DCHS1: variants seen among roughly 807,000 people sequenced by gnomAD.
DCHS1 encodes the protein protocadherin-16.
In DCHS1, 78 loss-of-function variants were observed where a neutral mutation model predicts 213.9. The observed-to-expected ratio is 0.36, with a 90% CI of 0.30 to 0.44. The LOEUF (loss-of-function observed/expected upper bound fraction) is 0.44, where lower values mean the gene tolerates loss of function less well. Among genes scored for constraint, DCHS1 ranks in the 20% least tolerant of loss-of-function variants. DCHS1 has a pLI of 1.00. For synonymous variants in DCHS1, 1,828 were observed against 1,873.7 expected (o/e 0.98, Z 0.63); for missense variants, 3,946 against 4,395.9 (o/e 0.90, Z 2.89).
rs780909180 is a variant in DCHS1, at chr11:6,628,743, G to A, written c.5249C>T (p.Thr1750Ile). Residue 1750 changes from threonine (T) to isoleucine (I), a missense_variant, in exon 13 of 21, where the codon ACC becomes ATC. This residue lies in a region of DCHS1 where 3,384 missense variants were observed against 3,780.1 expected (regional missense o/e 0.90). Transcript: ENST00000299441. The surrounding 1 kb of genome is among the most constrained non-coding windows in gnomAD (Gnocchi z 4.3). ...CAGAGAGAGATGGGCACTCCCAAAG[G>A]TTGGTGCATGGTCATTCTCATCCTC... is the stretch of plus-strand genomic sequence containing the variant. The part of the protein sequence containing the change: ...AVEDENDHAP[T>I]FGSAHLSLEV... 3.7e-6 allele frequency: 6 copies of A among 1,613,906 alleles called. No homozygotes were observed. The African/African-American group carries it at 8.0e-5, about 22-fold the overall frequency.
In DCHS1 at chr11:6,627,367, G is replaced by A. The variant is rs1373906958; in HGVS notation, c.5672C>T (p.Thr1891Ile). 1.9e-6 allele frequency: 3 copies of A among 1,607,834 alleles called. No individual in the cohort carries two copies. Among genetic ancestry groups the A allele is most frequent in the Non-Finnish European group, 1.7e-6 (2 of 1,177,232 alleles). Reference protein sequence around the residue: ...DPDAGANGHVTYYLGAGTAGA... With the variant: ...DPDAGANGHVIYYLGAGTAGA... ...TGCTGTACCGGCGCCCAGGTAGTAG[G>A]TCACATGGCCATTAGCTCCAGCATC... Residue 1891 changes from threonine to isoleucine, a missense_variant, in exon 14 of 21, where the codon ACC becomes ATC. By Grantham distance (89) the Thr-to-Ile change is moderately conservative. Transcript: ENST00000299441. This position sits in a 1 kb window ranked among gnomAD's most constrained non-coding sequence, Gnocchi z 5.4.
At position 6,624,827 on chromosome 11, in the gene DCHS1, G is replaced by C; in HGVS notation, c.7188C>G (p.Leu2396=). Residue 2396 remains leucine, a synonymous_variant, in exon 20 of 21, where the codon CTC becomes CTG. Coordinates refer to ENST00000299441, the MANE Select transcript of DCHS1 (RefSeq NM_003737.4). ...AGTCCCGATCAGTGGCAGAGACGGA[G>C]AGAATGGCACTGCCTGGGGGTGTGT... ...LEHTPPGSAI[L]SVSATDRDSG... is the part of the protein sequence containing the mutation. 6.2e-7 allele frequency: 1 copy of C among 1,613,966 alleles called. No homozygotes were observed. Among genetic ancestry groups the C allele is most frequent in the Non-Finnish European group, 8.5e-7 (1 of 1,179,868 alleles).
rs781137810 is a variant in DCHS1, at chr11:6,640,424, T to C, written c.1190A>G (p.Asp397Gly). 3 of 1,613,930 alleles carry C rather than the reference T, an allele frequency of 1.9e-6. No individual in the cohort carries two copies. The South Asian group carries it at 3.3e-5, about 18-fold the overall frequency. Residue 397 changes from aspartate (D) to glycine (G), a missense_variant, in exon 2 of 21, where the codon GAC becomes GGC. Asp to Gly is a moderately conservative substitution (Grantham distance 94). Transcript: ENST00000299441. The surrounding 1 kb of genome is among the most constrained non-coding windows in gnomAD (Gnocchi z 6.5). ...CAGGGACACATTGACATGGGCAAAGTCACCATCATCTGGGTCTGACACAGA... is the reference window on the plus strand; with the variant it reads ...CAGGGACACATTGACATGGGCAAAGCCACCATCATCTGGGTCTGACACAGA... ...RISVSDPDDG[D>G]FAHVNVSLEG...
rs1198033565 is a variant in DCHS1, at chr11:6,630,056, C to T, written c.4738G>A (p.Val1580Met). The T allele has an allele frequency of 2.6e-6, 4 of 1,563,360 alleles. No individual in the cohort carries two copies. Among genetic ancestry groups the T allele is most frequent in the Admixed American group, 1.8e-5 (1 of 55,584 alleles). Residue 1580 changes from valine (V) to methionine (M), a missense_variant, in exon 10 of 21, where the codon GTG (valine) becomes ATG (methionine). Physicochemically the swap from Val to Met is conservative, Grantham distance 21. Transcript: ENST00000299441. ...CCGCCAGATGCCAGCCGATAGGACACGCGTGCAGCCTCGCCCAGATCCGGG... is the reference window on the plus strand; with the variant it reads ...CCGCCAGATGCCAGCCGATAGGACATGCGTGCAGCCTCGCCCAGATCCGGG... ...RDPDLGEAAR[V>M]SYRLASGGDG...
At position 6,624,199 on chromosome 11, in the gene DCHS1, C is replaced by T; in HGVS notation, c.7477G>A (p.Glu2493Lys). The part of the protein sequence containing the change: ...TLSHYRVAVT[E>K]DLPPGSTLLT... ...AGAGTGGAGCCAGGGGGCAGGTCTT[C>T]AGTCACAGCCACACGGTAGTGTGAC... Residue 2493 changes from glutamate to lysine, a missense_variant, in exon 21 of 21, where the codon GAA (glutamate) becomes AAA (lysine). Glu to Lys is a moderately conservative substitution (Grantham distance 56). Transcript: ENST00000299441. 3.7e-6 allele frequency: 6 copies of T among 1,613,310 alleles called. No individual in the cohort carries two copies. Among genetic ancestry groups the T allele is most frequent in the Non-Finnish European group, 4.2e-6 (5 of 1,179,720 alleles).
At position 6,632,197 on chromosome 11, in the gene DCHS1, C is replaced by G; in HGVS notation, c.3315G>C (p.Leu1105Phe). 1 of 1,604,176 alleles carries G rather than the reference C, an allele frequency of 6.2e-7. No individual in the cohort carries two copies. ...ILNQNEHSPR[L>F]SEDPTFLAVA... is the part of the protein sequence containing the mutation. ...CAGCCAGGAAGGTGGGATCCTCAGACAAGCGGGGACTGTGTTCATTCTGGT... is the reference window on the plus strand; with the variant it reads ...CAGCCAGGAAGGTGGGATCCTCAGAGAAGCGGGGACTGTGTTCATTCTGGT... The change falls in exon 6 of 21, where the codon TTG becomes TTC. Residue 1105 changes from leucine (L) to phenylalanine (F), a missense_variant. By Grantham distance (22) the Leu-to-Phe change is conservative. This residue lies in a region of DCHS1 where 3,384 missense variants were observed against 3,780.1 expected (regional missense o/e 0.90). Transcript: ENST00000299441. This position sits in a 1 kb window ranked among gnomAD's most constrained non-coding sequence, Gnocchi z 5.9.
chr11:6,650,859 A>G (rs1856232582), intron 1 of DCHS1, among the ~76,000 whole-genome samples: 1 of 152,246 alleles, frequency 6.6e-6, no homozygotes, highest in Admixed American at 6.5e-5. Context: ...TAAAGTACAG[A>G]TAAGGGAGAG....
chr11:6,628,737 C>G lies in DCHS1; in HGVS notation c.5255G>C (p.Gly1752Ala), dbSNP rs1855852918. ...EDENDHAPTF[G>A]SAHLSLEVPE... is the part of the protein sequence containing the mutation. ...CACCTCCAGAGAGAGATGGGCACTC[C>G]CAAAGGTTGGTGCATGGTCATTCTC... Residue 1752 changes from glycine (G) to alanine (A), a missense_variant, in exon 13 of 21, where the codon GGG becomes GCG. Physicochemically the swap from Gly to Ala is moderately conservative, Grantham distance 60. Transcript: ENST00000299441. This position sits in a 1 kb window ranked among gnomAD's most constrained non-coding sequence, Gnocchi z 4.3. The G allele has an allele frequency of 6.2e-7, 1 of 1,613,900 alleles. No homozygotes were observed. Among genetic ancestry groups the G allele is most frequent in the Non-Finnish European group, 8.5e-7 (1 of 1,179,904 alleles).
intron 2 of DCHS1, among the ~76,000 whole-genome samples, chr11:6,638,061 G>A (rs1055165035): frequency 2.6e-5 from 4 of 152,162 alleles, no homozygotes; most frequent in African/African-American, 9.7e-5. Context: ...GGAAGCCATA[G>A]CCCATTGGTC....
At position 6,621,918 on chromosome 11, in the gene DCHS1, C is replaced by T. The variant is rs1310311459; in HGVS notation, c.9758G>A (p.Ser3253Asn). The T allele has an allele frequency of 1.9e-6, 3 of 1,613,166 alleles. No individual in the cohort carries two copies. The African/African-American group carries it at 4.0e-5, about 22-fold the overall frequency. Residue 3253 changes from serine (S) to asparagine (N), a missense_variant, in exon 21 of 21, where the codon AGC becomes AAC. Physicochemically the swap from Ser to Asn is conservative, Grantham distance 46 (BLOSUM62 1). Around this residue, in one of 3 missense-constraint regions of DCHS1, gnomAD observed 554 missense variants for 590.2 expected, o/e 0.94. Transcript: ENST00000299441. Reference sequence around the variant, plus strand: ...CAGAGGAGACAGAGAGGGTGAGAAGCTGGGGGACATGGCAGCTGAGGACAG... The same window carrying T: ...CAGAGGAGACAGAGAGGGTGAGAAGTTGGGGGACATGGCAGCTGAGGACAG... Reference protein sequence around the residue: ...GSLSSAAMSPSFSPSLSPLAA... With the variant: ...GSLSSAAMSPNFSPSLSPLAA...
At chr11:6,636,447 C>A (rs1417928203) in intron 2 of DCHS1, among the ~76,000 whole-genome samples, 2 of 152,124 alleles carry the variant, frequency 1.3e-5, no homozygotes, top group Non-Finnish European at 2.9e-5. Context: ...TGGCCTCAAC[C>A]AGTCCTTCCA....
At position 6,641,024 on chromosome 11, in the gene DCHS1, G is replaced by A. The variant is rs145099391; in HGVS notation, c.590C>T (p.Pro197Leu). ...AGETFRLETR[P>L]GPDGTPVPEL... ...AGGTACTGGAGTCCCATCTGGACCG[G>A]GGCGTGTCTCCAGCCGGAAGGTCTC... is the stretch of plus-strand genomic sequence containing the variant. The change falls in exon 2 of 21, where the codon CCC becomes CTC. Residue 197 changes from proline to leucine, a missense_variant. Pro to Leu is a moderately conservative substitution (Grantham distance 98). Coordinates refer to ENST00000299441, the MANE Select transcript of DCHS1 (RefSeq NM_003737.4). The surrounding 1 kb of genome is among the most constrained non-coding windows in gnomAD (Gnocchi z 7.1). 1,364 of 1,613,860 alleles carry A rather than the reference G, an allele frequency of 8.5e-4. No individual in the cohort carries two copies. Among genetic ancestry groups the A allele is most frequent in the Non-Finnish European group, 1.0e-3 (1,219 of 1,179,902 alleles).
rs1855877955 is a variant in DCHS1 at position 6,630,217 on chromosome 11, C to A, written c.4577G>T (p.Arg1526Leu). ...TDRPANASRR[R>L]AARVSARVFV... The stretch of plus-strand genomic sequence containing the variant: ...GACGCGCGCTGAAACGCGCGCTGCA[C>A]GACGGCGGCTGGCGTTGGCGGGCCG... Residue 1526 changes from arginine to leucine, a missense_variant, in exon 10 of 21, where the codon CGT becomes CTT. Arg to Leu is a moderately radical substitution (Grantham distance 102, BLOSUM62 -2). Transcript: ENST00000299441. The A allele has an allele frequency of 1.9e-6, 3 of 1,565,068 alleles. No individual in the cohort carries two copies. Among genetic ancestry groups the A allele is most frequent in the Non-Finnish European group, 1.7e-6 (2 of 1,157,382 alleles).
In DCHS1 at chr11:6,625,133, C is replaced by CT; in HGVS notation, c.7146+64dup. 6.5e-7 allele frequency: 1 copy of CT among 1,527,244 alleles called. No homozygotes were observed. Among genetic ancestry groups the CT allele is most frequent in the South Asian group, 1.3e-5 (1 of 76,268 alleles). 94.6% of individuals were successfully genotyped at this position (1,527,244 alleles called of 1,614,324 possible). ...CAGCCCACCTCAGCAGCTGCTAGCTCTGATACTTCCCTCCAACAGGAACAA... is the reference window on the plus strand; with the variant it reads ...CAGCCCACCTCAGCAGCTGCTAGCTCTTGATACTTCCCTCCAACAGGAACAA... On this transcript the variant is annotated intron_variant, in intron 19 of 20. Coordinates refer to ENST00000299441, the MANE Select transcript of DCHS1 (RefSeq NM_003737.4). The surrounding 1 kb of genome is among the most constrained non-coding windows in gnomAD (Gnocchi z 5.3).
chr11:6,644,384 C>T (rs1856125592), intron 1 of DCHS1, among the ~76,000 whole-genome samples: 1 of 152,230 alleles, frequency 6.6e-6, no homozygotes, highest in South Asian at 2.1e-4. Flanking sequence ...TGCACTCCAA[C>T]ATGAAATCTA....
chr11:6,648,872 G>T (rs1203526149), intron 1 of DCHS1, among the ~76,000 whole-genome samples: 1 of 152,158 alleles, frequency 6.6e-6, no homozygotes, highest in Admixed American at 6.5e-5. Context: ...TTATTATAGT[G>T]GTTAAGAAGG....
Position 6,629,570 on chromosome 11 carries a change from G to T in DCHS1, c.5043C>A (p.Asn1681Lys), listed in dbSNP as rs762274197. The T allele has an allele frequency of 6.2e-7, 1 of 1,613,452 alleles. No homozygotes were observed. The highest frequency in any genetic ancestry group is 1.3e-5 in the African/African-American group (1 of 74,920). ...LRATDPDVGA[N>K]GQVTYGGVSS... is the part of the protein sequence containing the mutation. Reference sequence around the variant, plus strand: ...AGACGCCTCCATAAGTCACTTGCCCGTTGGCCCCTGAGGAGGGGCAGCATG... The same window carrying T: ...AGACGCCTCCATAAGTCACTTGCCCTTTGGCCCCTGAGGAGGGGCAGCATG... The change falls in exon 12 of 21, where the codon AAC (asparagine) becomes AAA (lysine). Residue 1681 changes from asparagine to lysine, a missense_variant. Transcript: ENST00000299441.
intron 1 of DCHS1, among the ~76,000 whole-genome samples, chr11:6,647,693 T>C (rs913677690): frequency 6.6e-6 from 1 of 152,178 alleles, no homozygotes; most frequent in African/African-American, 2.4e-5. Context: ...GTGAAACAAT[T>C]TTCCTGAGTT....
At position 6,655,285 on chromosome 11, in the gene DCHS1, G is replaced by T. The variant is rs150142887; in HGVS notation, c.-121+278C>A. On this transcript the variant is annotated intron_variant, in intron 1 of 20. Transcript: ENST00000299441. ...GTGACACGCACTGACACACTCCGACGATGCACTGGAACACAACGCTGTCGC... is the reference window on the plus strand; with the variant it reads ...GTGACACGCACTGACACACTCCGACTATGCACTGGAACACAACGCTGTCGC... Among the ~76,000 whole-genome samples, 274 of 152,114 alleles carry T rather than the reference G, an allele frequency of 1.8e-3. 4 individuals are homozygous for T. Among genetic ancestry groups the T allele is most frequent in the Admixed American group, 7.3e-3 (112 of 15,280 alleles).
Sources: allele counts gnomAD v4.1 joint callset (sites outside exome capture counted in the v4.1 genomes callset), GRCh38; gene constraint gnomAD v4.1.1; regional missense constraint gnomAD v4.1.1; non-coding constraint Gnocchi (gnomAD v3.1); transcripts MANE v1.5; gene names NCBI Gene and HGNC (gene_info 2026-07-23, HGNC 2026-07-21).